COL19A1: variants seen among roughly 807,000 people sequenced by gnomAD.
COL19A1 encodes collagen alpha-1(XIX) chain.
COL19A1 carries 159 observed loss-of-function variants against 190.2 expected under a neutral mutation model. The ratio of observed to expected loss-of-function variants is 0.84; its 90% CI spans 0.73 to 0.95. The LOEUF (loss-of-function observed/expected upper bound fraction) is 0.95. COL19A1 is among the 40% of genes least tolerant of loss of function. The pLI is 0.00. For missense variants in COL19A1, 1,418 were observed against 1,431.9 expected, an observed-to-expected ratio of 0.99 and a Z score of 0.16; for synonymous variants, 509 against 458.9, an observed-to-expected ratio of 1.11 and a Z score of -1.39.
rs536326351 is a variant in COL19A1, at chr6:70,136,905, A to G, written c.1384-780A>G. Among the ~76,000 whole-genome samples, 6 of 152,302 alleles carry G rather than the reference A, an allele frequency of 3.9e-5. No homozygotes were observed. The South Asian group carries it at 1.2e-3, about 32-fold the overall frequency. ...TTGAAGTTAGGGAAAAAAAATCAGC[A>G]TTACATATCTTCTAGAGACTATGTT... On this transcript the variant is annotated intron_variant, in intron 18 of 50. Coordinates refer to ENST00000620364, the MANE Select transcript of COL19A1 (RefSeq NM_001858.6).
intron 11 of COL19A1, among the ~76,000 whole-genome samples, chr6:69,966,729 A>C (rs1775130705): frequency 6.6e-6 from 1 of 151,866 alleles, no homozygotes; most frequent in Non-Finnish European, 1.5e-5. Flanking sequence ...GACCCCGCCA[A>C]ATCCCCCTCT....
At chr6:70,067,689 C>T (rs1355230452) in intron 14 of COL19A1, among the ~76,000 whole-genome samples, 2 of 151,900 alleles carry the variant, frequency 1.3e-5, no homozygotes, top group African/African-American at 4.8e-5. Context: ...CAAAAATCTC[C>T]CGCATTTAAT....
At chr6:69,883,822 G>A (rs1296071074) in intron 2 of COL19A1, among the ~76,000 whole-genome samples, 2 of 152,106 alleles carry the variant, frequency 1.3e-5, no homozygotes, top group Non-Finnish European at 2.9e-5. Flanking sequence ...AGTATTAGCA[G>A]TATACACAGA....
At chr6:69,907,114 T>C (rs574522437) in intron 4 of COL19A1, among the ~76,000 whole-genome samples, 1 of 146,182 alleles carries the variant, frequency 6.8e-6, no homozygotes, top group Non-Finnish European at 1.5e-5. Context: ...ATTATTTTTT[T>C]TTTTTTTTTT....
At chr6:70,090,095 T>C (rs1782813956) in intron 15 of COL19A1, among the ~76,000 whole-genome samples, 1 of 151,968 alleles carries the variant, frequency 6.6e-6, no homozygotes, top group South Asian at 2.1e-4. Flanking sequence ...GGAGGATACT[T>C]AAGCCCACGA....
intron 10 of COL19A1, among the ~76,000 whole-genome samples, chr6:69,960,877 C>T (rs569307427): frequency 1.5e-4 from 23 of 152,024 alleles, no homozygotes; most frequent in African/African-American, 4.6e-4. Context: ...GTGATCCACC[C>T]GCCTCGGCCT....
chr6:70,022,681 T>G (rs1778479676), intron 11 of COL19A1, among the ~76,000 whole-genome samples: 1 of 152,222 alleles, frequency 6.6e-6, no homozygotes, highest in Non-Finnish European at 1.5e-5. Context: ...GAAATATATA[T>G]TGGTTAACAT....
chr6:70,068,346 A>G, intron 14 of COL19A1, 77 bp from the exon 15 acceptor site: 1 of 965,948 alleles, frequency 1.0e-6, no homozygotes, highest in Admixed American at 1.7e-5. Context: ...CAAAATAATT[A>G]TTAATTTTCA....
chr6:70,076,595 T>G lies in COL19A1; in HGVS notation c.1224+8119T>G, dbSNP rs150473074. ...CAGGGGGAGAGTCAGAACTGCTCTT[T>G]TTTTCTCAGGAGAGCAATTGGATCA... On this transcript the variant is annotated intron_variant, in intron 15 of 50. Transcript: ENST00000620364. Among the ~76,000 whole-genome samples, 349 of 152,266 alleles carry G rather than the reference T, an allele frequency of 2.3e-3. 6 individuals are homozygous for G. The highest frequency in any genetic ancestry group is 8.0e-3 in the African/African-American group (332 of 41,558).
chr6:69,983,248 A>G (rs1776146148), intron 11 of COL19A1, among the ~76,000 whole-genome samples: 1 of 152,038 alleles, frequency 6.6e-6, no homozygotes, highest in Non-Finnish European at 1.5e-5. Flanking sequence ...CGTTAGATTT[A>G]TGACTAGGTA....
chr6:70,161,360 C>T (rs567428537), intron 34 of COL19A1, among the ~76,000 whole-genome samples: 2 of 152,312 alleles, frequency 1.3e-5, no homozygotes, highest in Admixed American at 6.5e-5. Context: ...TTAGATACTA[C>T]TGCTGACGGA....
chr6:70,033,013 T>C (rs1779155281), intron 12 of COL19A1, among the ~76,000 whole-genome samples: 1 of 152,154 alleles, frequency 6.6e-6, no homozygotes, highest in Admixed American at 6.6e-5. Context: ...TATCATTTAA[T>C]TTTTCACTCA....
At chr6:70,139,730 A>G (rs1440669326) in intron 19 of COL19A1, among the ~76,000 whole-genome samples, 2 of 152,088 alleles carry the variant, frequency 1.3e-5, no homozygotes, top group Admixed American at 1.3e-4. Flanking sequence ...CCCCCACCAT[A>G]GGACATTCAG....
At chr6:70,078,226 G>T (rs1782010200) in intron 15 of COL19A1, among the ~76,000 whole-genome samples, 1 of 152,180 alleles carries the variant, frequency 6.6e-6, no homozygotes, top group Non-Finnish European at 1.5e-5. Flanking sequence ...TGAAAGATCT[G>T]AGGGCCTATT....
intron 16 of COL19A1, among the ~76,000 whole-genome samples, chr6:70,116,649 T>G (rs1004351810): frequency 3.3e-5 from 3 of 90,004 alleles, no homozygotes; most frequent in Non-Finnish European, 6.8e-5. Flanking sequence ...CTAATGACTG[T>G]TTTTTTTTCT....
rs56922945 is a variant in COL19A1 at position 69,982,973 on chromosome 6, AAAATAAATAAATAAATAAAT to A, written c.1026+20133_1026+20152del. 2.1e-3 allele frequency among the ~76,000 whole-genome samples: 274 copies of A among 132,624 alleles called. 2 individuals are homozygous for A. Among genetic ancestry groups the A allele is most frequent in the African/African-American group, 7.4e-3 (263 of 35,782 alleles). 87.0% of individuals were successfully genotyped at this position (132,624 alleles called of 152,430 possible). ...AGCAACAGAGCGAGACTCTGTCTCA[AAAATAAATAAATAAATAAAT>A]AAATAAATAAATAAATAAATAAATA... On this transcript the variant is annotated intron_variant, in intron 11 of 50. Coordinates refer to ENST00000620364, the MANE Select transcript of COL19A1 (RefSeq NM_001858.6).
chr6:69,940,937 A>G (rs542535478), intron 9 of COL19A1, among the ~76,000 whole-genome samples: 1 of 152,310 alleles, frequency 6.6e-6, no homozygotes, highest in African/African-American at 2.4e-5. Flanking sequence ...TGCAATAAAT[A>G]AAGAAGGCTT....
At chr6:69,969,622 T>G (rs1053415724) in intron 11 of COL19A1, among the ~76,000 whole-genome samples, 4 of 152,150 alleles carry the variant, frequency 2.6e-5, no homozygotes, top group African/African-American at 9.7e-5. Flanking sequence ...TACATAGCAT[T>G]TACATTGTGT....
intron 15 of COL19A1, among the ~76,000 whole-genome samples, chr6:70,091,550 G>T (rs1385496233): frequency 2.2e-5 from 2 of 92,388 alleles, no homozygotes; most frequent in Non-Finnish European, 4.5e-5. Context: ...AAGCCAGCAG[G>T]TGAACAAATA....
Sources: allele counts gnomAD v4.1 joint callset (sites outside exome capture counted in the v4.1 genomes callset), GRCh38; gene constraint gnomAD v4.1.1; transcripts MANE v1.5; gene names NCBI Gene and HGNC (gene_info 2026-07-23, HGNC 2026-07-21).